The following FMN2 variants were observed in gnomAD, a reference collection of about 807,000 sequenced individuals.
FMN2 encodes formin-2.
In FMN2, 51 loss-of-function variants were observed where a neutral mutation model predicts 142.3. That is an observed-to-expected ratio of 0.36 (90% CI 0.29 to 0.45). The LOEUF (loss-of-function observed/expected upper bound fraction) is 0.45, where lower values mean the gene tolerates loss of function less well. Among genes scored for constraint, FMN2 ranks in the 20% least tolerant of loss-of-function variants. The pLI, the probability that FMN2 is intolerant of heterozygous loss-of-function variation, is 1.00. For synonymous variants in FMN2, 882 were observed against 869.8 expected, an observed-to-expected ratio of 1.01 and a Z score of -0.25; for missense variants, 1,936 against 2,122.8, an observed-to-expected ratio of 0.91 and a Z score of 1.73.
At chr1:240,421,067 A>G (rs1032661821) in intron 15 of FMN2, among the ~76,000 whole-genome samples, 1 of 152,180 alleles carries the variant, frequency 6.6e-6, no homozygotes, top group Admixed American at 6.5e-5. Context: ...TCCTTGAGCC[A>G]AAGTCCCCTT....
At chr1:240,438,468 T>C (rs1287288070) in intron 16 of FMN2, among the ~76,000 whole-genome samples, 1 of 152,154 alleles carries the variant, frequency 6.6e-6, no homozygotes, top group Non-Finnish European at 1.5e-5. Context: ...ACTTCTATCA[T>C]GAGGAAACCA....
intron 16 of FMN2, among the ~76,000 whole-genome samples, chr1:240,469,245 A>G (rs1572346573): frequency 6.6e-6 from 1 of 152,132 alleles, no homozygotes; most frequent in Admixed American, 6.5e-5. Flanking sequence ...TTCTGAAAGC[A>G]TCCTAGAGTG....
At chr1:240,366,400 C>A (rs1001251311) in intron 14 of FMN2, among the ~76,000 whole-genome samples, 3 of 152,140 alleles carry the variant, frequency 2.0e-5, no homozygotes, top group African/African-American at 4.8e-5. Context: ...TATAAGCATA[C>A]CCTGCTGCAA....
At chr1:240,144,358 C>T in intron 2 of FMN2, 3 of 1,606,606 alleles carry the variant, frequency 1.9e-6, no homozygotes, top group South Asian at 2.2e-5. Context: ...CCTTGGGCTC[C>T]ATGATGTCCA....
chr1:240,438,096 C>A lies in FMN2; in HGVS notation c.4946C>A (p.Pro1649Gln), dbSNP rs1345457277. 6.2e-7 allele frequency: 1 copy of A among 1,613,866 alleles called. No homozygotes were observed. The highest frequency in any genetic ancestry group is 8.5e-7 in the Non-Finnish European group (1 of 1,179,934). The change falls in exon 16 of 18, where the codon CCA becomes CAA. Residue 1649 changes from proline to glutamine, a missense_variant. Physicochemically the swap from Pro to Gln is moderately conservative, Grantham distance 76 (BLOSUM62 -1). Around this residue, in one of 8 missense-constraint regions of FMN2, gnomAD observed 322 missense variants for 401.6 expected, o/e 0.80. Transcript: ENST00000319653. ...ACCACGGCATATTTCTTCATGAAAC[C>A]AAAACTTGGAGAGAAGGAGGTGTCC... ...LETTAYFFMK[P>Q]KLGEKEVSPN...
In FMN2 at chr1:240,465,838, A is replaced by G. The variant is rs1469052305; in HGVS notation, c.5061-6534A>G. Among the ~76,000 whole-genome samples, 3 of 152,236 alleles carry G rather than the reference A, an allele frequency of 2.0e-5. No homozygotes were observed. The East Asian group carries it at 5.8e-4, about 29-fold the overall frequency. ...AGGTGGATGAAGATATTCTGTCTGCAGAGCGGGCTGCAGGGATGTCTGGTT... is the reference window on the plus strand; with the variant it reads ...AGGTGGATGAAGATATTCTGTCTGCGGAGCGGGCTGCAGGGATGTCTGGTT... On this transcript the variant is annotated intron_variant, in intron 16 of 17. Coordinates refer to ENST00000319653, the MANE Select transcript of FMN2 (RefSeq NM_020066.5).
At chr1:240,453,707 G>GAACACATA (rs1572331912) in intron 16 of FMN2, among the ~76,000 whole-genome samples, 1,138 of 77,526 alleles carry the variant, frequency 0.015, 153 homozygotes, top group Admixed American at 0.021. Context: ...GGAAGGCATA[G>GAACACATA]GGCCGGGCGC....
At chr1:240,142,639 G>A (rs1485866909) in intron 2 of FMN2, 18 of 1,580,510 alleles carry the variant, frequency 1.1e-5, no homozygotes, top group Non-Finnish European at 1.6e-5. Flanking sequence ...TGATACATCA[G>A]CTGCAGTTCA....
At chr1:240,224,954 A>G (rs1375308684) in intron 6 of FMN2, among the ~76,000 whole-genome samples, 2 of 152,162 alleles carry the variant, frequency 1.3e-5, no homozygotes, top group Non-Finnish European at 2.9e-5. Context: ...ACTTATTTAG[A>G]GGCCTGAAGG....
rs1195007119 is a variant in FMN2 at position 240,334,204 on chromosome 1, C to G, written c.4740C>G (p.Leu1580=). ...QMKFEDFQKD[L]RKLKKDLKAC... is the part of the protein sequence containing the mutation. ...AGTTTGAAGATTTTCAAAAAGATCT[C>G]AGAAAACTGAAGAAAGACTTGAAAG... Residue 1580 remains leucine, a synonymous_variant, in exon 13 of 18, where the codon CTC becomes CTG. Coordinates refer to ENST00000319653, the MANE Select transcript of FMN2 (RefSeq NM_020066.5). 1 of 1,603,656 alleles carries G rather than the reference C, an allele frequency of 6.2e-7. No homozygotes were observed. Among genetic ancestry groups the G allele is most frequent in the Admixed American group, 1.8e-5 (1 of 57,088 alleles).
chr1:240,111,682 T>A (rs186543606), intron 1 of FMN2, among the ~76,000 whole-genome samples: 137 of 152,244 alleles, frequency 9.0e-4, no homozygotes, highest in African/African-American at 3.2e-3. Context: ...ACCTGTATCT[T>A]GTGCTGACCT....
intron 8 of FMN2, among the ~76,000 whole-genome samples, chr1:240,306,164 G>T (rs904048251): frequency 2.0e-5 from 3 of 152,074 alleles, no homozygotes; most frequent in African/African-American, 7.2e-5. Context: ...TGGCCAGGCT[G>T]GTCTCGGACT....
chr1:240,112,837 C>T (rs912823924), intron 1 of FMN2, among the ~76,000 whole-genome samples: 13 of 152,212 alleles, frequency 8.5e-5, no homozygotes, highest in Non-Finnish European at 1.6e-4. Context: ...CCCTGTGGTC[C>T]GGGCCCTAGG....
intron 3 of FMN2, among the ~76,000 whole-genome samples, chr1:240,183,210 C>A (rs531372655): frequency 6.6e-6 from 1 of 151,796 alleles, no homozygotes; most frequent in Admixed American, 6.6e-5. Context: ...AGCCACCATG[C>A]CTGGTCCATT....
intron 7 of FMN2, among the ~76,000 whole-genome samples, chr1:240,278,290 A>G (rs1669285482): frequency 6.6e-6 from 1 of 152,196 alleles, no homozygotes; most frequent in African/African-American, 2.4e-5. Flanking sequence ...CCTGCTGCAC[A>G]TAGCACAAGG....
intron 7 of FMN2, among the ~76,000 whole-genome samples, chr1:240,288,117 C>T (rs748491786): frequency 6.6e-6 from 1 of 152,278 alleles, no homozygotes; most frequent in African/African-American, 2.4e-5. Context: ...TTTAGCCTTT[C>T]AGCATTCGAG....
At chr1:240,218,911 G>A (rs1444832484) in intron 6 of FMN2, among the ~76,000 whole-genome samples, 12 of 152,148 alleles carry the variant, frequency 7.9e-5, no homozygotes, top group Non-Finnish European at 4.4e-5. Context: ...ACTAAAGATA[G>A]TGCAAACTGT....
chr1:240,294,240 T>C (rs1669891043), intron 7 of FMN2, among the ~76,000 whole-genome samples: 1 of 152,228 alleles, frequency 6.6e-6, no homozygotes, highest in Non-Finnish European at 1.5e-5. Context: ...TCCTGCTTCT[T>C]CCTTGTATAA....
chr1:240,111,122 G>C (rs527527143), intron 1 of FMN2, among the ~76,000 whole-genome samples: 3 of 152,068 alleles, frequency 2.0e-5, no homozygotes, highest in Non-Finnish European at 4.4e-5. Context: ...TACAAAAATT[G>C]TTTCATTTAA....
Sources: allele counts gnomAD v4.1 joint callset (sites outside exome capture counted in the v4.1 genomes callset), GRCh38; gene constraint gnomAD v4.1.1; regional missense constraint gnomAD v4.1.1; transcripts MANE v1.5; gene names NCBI Gene and HGNC (gene_info 2026-07-23, HGNC 2026-07-21).